CLPX: variants seen among roughly 807,000 people sequenced by gnomAD.
CLPX encodes caseinolytic mitochondrial matrix peptidase chaperone subunit X.
A neutral mutation model predicts 76.4 loss-of-function variants in CLPX; 34 were observed. The ratio of observed to expected loss-of-function variants is 0.45; its 90% CI spans 0.34 to 0.59. The LOEUF is 0.59. CLPX is among the 20% of genes least tolerant of loss of function. The probability of loss-of-function intolerance (pLI) is 0.01; values close to 1 mark genes in which losing one functional copy is unlikely to be tolerated. For synonymous variants in CLPX, 248 were observed against 270.9 expected, an observed-to-expected ratio of 0.92 and a Z score of 0.83; for missense variants, 613 against 757.0, an observed-to-expected ratio of 0.81 and a Z score of 2.23.
At chr15:65,166,310 T>G (rs1398526294) in intron 4 of CLPX, among the ~76,000 whole-genome samples, 1 of 152,098 alleles carries the variant, frequency 6.6e-6, no homozygotes, top group East Asian at 1.9e-4. Context: ...AGGGTCCATA[T>G]GAACAAAAAT....
At position 65,149,464 on chromosome 15, in the gene CLPX, G is replaced by A. The variant is rs1410513243; in HGVS notation, c.*1359C>T. 1.5e-5 allele frequency: 5 copies of A among 336,392 alleles called. No individual in the cohort carries two copies. The highest frequency in any genetic ancestry group is 2.9e-5 in the Non-Finnish European group (5 of 172,686). The allele number at this position is 336,392 out of a possible 1,614,324, so 20.8% of individuals were successfully genotyped here. ...TACTCCAGCCTGGGTGACACAGCGA[G>A]ACTCTGTCTCAAAAAAATAAAATAA... On this transcript the variant is annotated 3_prime_UTR_variant, in exon 14 of 14. Transcript: ENST00000300107.
intron 12 of CLPX, 35 bp downstream of exon 12, chr15:65,153,512 G>A: frequency 7.7e-7 from 1 of 1,293,860 alleles, no homozygotes; most frequent in Non-Finnish European, 1.1e-6. Flanking sequence ...CTCAGACCAA[G>A]AAATAATTGT....
intron 3 of CLPX, among the ~76,000 whole-genome samples, chr15:65,172,781 A>C (rs1373267268): frequency 2.0e-5 from 3 of 152,218 alleles, no homozygotes; most frequent in Non-Finnish European, 4.4e-5. Context: ...GAGGTAGCAC[A>C]AAAATCCCAG....
At chr15:65,153,692 A>C in intron 11 of CLPX, 53 bp from the exon 12 acceptor site, 1 of 1,088,388 alleles carries the variant, frequency 9.2e-7, no homozygotes, top group Non-Finnish European at 1.3e-6. Context: ...TTGTACCACC[A>C]GAAAATGTAC....
At chr15:65,168,028 A>G (rs1026833840) in intron 3 of CLPX, among the ~76,000 whole-genome samples, 1 of 152,140 alleles carries the variant, frequency 6.6e-6, no homozygotes, top group African/African-American at 2.4e-5. Context: ...TTTAAAGATA[A>G]TCATGCAGAC....
intron 1 of CLPX, 110 bp from the exon 2 acceptor site, chr15:65,180,314 A>C: frequency 2.5e-6 from 2 of 804,496 alleles, no homozygotes; most frequent in Non-Finnish European, 3.8e-6. Flanking sequence ...TCATTTTCAC[A>C]GTAGTATAAA....
At chr15:65,172,610 C>G (rs2088025451) in intron 3 of CLPX, among the ~76,000 whole-genome samples, 1 of 151,918 alleles carries the variant, frequency 6.6e-6, no homozygotes, top group African/African-American at 2.4e-5. Flanking sequence ...CCAGTCTGGG[C>G]AATAAGAGCG....
intron 1 of CLPX, 30 bp downstream of exon 1, chr15:65,185,045 G>A (rs759235247): frequency 2.0e-6 from 3 of 1,538,010 alleles, no homozygotes; most frequent in Admixed American, 4.0e-5. Context: ...CCGACAGGCT[G>A]AGGGCTCAGG....
chr15:65,153,311 G>A (rs2087747820), intron 12 of CLPX, among the ~76,000 whole-genome samples: 1 of 152,204 alleles, frequency 6.6e-6, no homozygotes, highest in African/African-American at 2.4e-5. Context: ...TTAGCCAGGT[G>A]TGGTGGTTCT....
Position 65,152,493 on chromosome 15 carries a change from TC to T in CLPX, c.1747del (p.Asp583IlefsTer11). 6.4e-7 allele frequency: 1 copy of T among 1,560,854 alleles called. No individual in the cohort carries two copies. The highest frequency in any genetic ancestry group is 1.2e-5 in the South Asian group (1 of 81,650). On this transcript the variant is annotated frameshift_variant, in exon 13 of 14. Transcript: ENST00000300107. LOFTEE classifies it high-confidence loss of function. ...LEPMFEVPNSDIVCVEVDKEV... is the reference protein window; with the variant it reads ...LEPMFEVPNSXIVCVEVDKEV... ...TTTGTCAACCTCCACACATACGATATCAGAATTAGGGACTTCAAACATTGGT... is the reference window on the plus strand; with the variant it reads ...TTTGTCAACCTCCACACATACGATATAGAATTAGGGACTTCAAACATTGGT...
intron 13 of CLPX, among the ~76,000 whole-genome samples, chr15:65,151,456 G>GAAAAAAA (rs529752332): frequency 1.3e-5 from 1 of 74,594 alleles, no homozygotes; most frequent in African/African-American, 5.9e-5. Flanking sequence ...ATTACTGGGA[G>GAAAAAAA]AAAAAAAAAA....
chr15:65,173,365 CAAAAAA>C (rs35763100), intron 3 of CLPX, among the ~76,000 whole-genome samples: 2 of 52,178 alleles, frequency 3.8e-5, no homozygotes, highest in Non-Finnish European at 8.2e-5. Flanking sequence ...GACTCTGTCT[CAAAAAA>C]AAAAAAAAAA....
In CLPX at chr15:65,150,535, A is replaced by C. The variant is rs1427512896; in HGVS notation, c.*288T>G. 8.5e-6 allele frequency: 2 copies of C among 235,940 alleles called. No individual in the cohort carries two copies. Among genetic ancestry groups the C allele is most frequent in the Non-Finnish European group, 1.6e-5 (2 of 123,586 alleles). The allele number at this position is 235,940 out of a possible 1,614,324, so 14.6% of individuals were successfully genotyped here. A position where few individuals can be genotyped will look rare whatever the true frequency, so the allele number is the denominator to read the frequency against. ...GTTATCGCAATACCTGCATTGCTTA[A>C]AAGAATTCCTAAGAATTTTGTTAAA... On this transcript the variant is annotated 3_prime_UTR_variant, in exon 14 of 14. Transcript: ENST00000300107.
At position 65,150,060 on chromosome 15, in the gene CLPX, A is replaced by G. The variant is rs2140604759; in HGVS notation, c.*763T>C. On this transcript the variant is annotated 3_prime_UTR_variant, in exon 14 of 14. Coordinates refer to ENST00000300107, the MANE Select transcript of CLPX (RefSeq NM_006660.5). ...AACTACTTGAAAACTACCTGGTCCA[A>G]TTTTTTGTTTTCGCCCTGAGACGGA... The G allele has an allele frequency of 6.6e-6, 1 of 152,214 alleles. No individual in the cohort carries two copies. The highest frequency in any genetic ancestry group is 1.9e-4 in the East Asian group (1 of 5,172). 9.4% of individuals were successfully genotyped at this position (152,214 alleles called of 1,614,324 possible). A position where few individuals can be genotyped will look rare whatever the true frequency, so the allele number is the denominator to read the frequency against.
intron 4 of CLPX, among the ~76,000 whole-genome samples, chr15:65,165,827 CTT>C (rs2087905529): frequency 6.6e-6 from 1 of 152,282 alleles, no homozygotes; most frequent in East Asian, 1.9e-4. Context: ...TTTTAAACAT[CTT>C]TATTCCTTAC....
At chr15:65,157,021 A>G in intron 8 of CLPX, 89 bp from the exon 9 acceptor site, 2 of 760,420 alleles carry the variant, frequency 2.6e-6, no homozygotes, top group Non-Finnish European at 4.3e-6. Flanking sequence ...GCTAGAGAAC[A>G]AAGTTATTTG....
chr15:65,180,819 G>A (rs528195052), intron 1 of CLPX, among the ~76,000 whole-genome samples: 24 of 151,218 alleles, frequency 1.6e-4, no homozygotes, highest in African/African-American at 3.4e-4. Context: ...CAGGAAAATC[G>A]CTTGAACCCG....
In CLPX at chr15:65,185,263, C is replaced by G. The variant is rs2088244236; in HGVS notation, c.-110G>C. ...TCGGTTCCGAACCCTTTCGCGGGCC[C>G]TAGACCCCGTGGAGAGTTCACCTGC... On this transcript the variant is annotated 5_prime_UTR_variant, in exon 1 of 14. Coordinates refer to ENST00000300107, the MANE Select transcript of CLPX (RefSeq NM_006660.5). The G allele has an allele frequency of 1.1e-6, 1 of 869,996 alleles. No homozygotes were observed. 53.9% of individuals were successfully genotyped at this position (869,996 alleles called of 1,614,324 possible).
intron 1 of CLPX, among the ~76,000 whole-genome samples, chr15:65,180,756 T>C (rs2088156389): frequency 6.7e-6 from 1 of 150,012 alleles, no homozygotes; most frequent in African/African-American, 2.5e-5. Flanking sequence ...AAAAAAAAAT[T>C]GGCCACGCAT....
Sources: gnomAD v4.1 joint callset for allele counts (sites outside exome capture counted in the v4.1 genomes callset) on GRCh38, gnomAD v4.1.1 for gene constraint, MANE v1.5 for transcripts, NCBI Gene and HGNC (gene_info 2026-07-23, HGNC 2026-07-21) for gene names.